The following PPP1R21 variants were observed in gnomAD, a reference collection of about 807,000 sequenced individuals.
PPP1R21 encodes the protein KLRAQ motif containing 1.
PPP1R21 carries 85 observed loss-of-function variants against 112.8 expected under a neutral mutation model. The ratio of observed to expected loss-of-function variants is 0.75; its 90% CI spans 0.63 to 0.90. The LOEUF (loss-of-function observed/expected upper bound fraction) is 0.90, where lower values mean the gene tolerates loss of function less well. PPP1R21 is among the 40% of genes least tolerant of loss of function. The probability of loss-of-function intolerance (pLI) is 0.00; values close to 1 mark genes in which losing one functional copy is unlikely to be tolerated. For synonymous variants in PPP1R21, 381 were observed against 322.3 expected (o/e 1.18, Z -1.95); for missense variants, 1,199 against 901.5 (o/e 1.33, Z -4.23).
chr2:48,465,569 C>A lies in PPP1R21; in HGVS notation c.824C>A (p.Thr275Asn), dbSNP rs759436097. 1 of 1,613,884 alleles carries A rather than the reference C, an allele frequency of 6.2e-7. No individual in the cohort carries two copies. The highest frequency in any genetic ancestry group is 8.5e-7 in the Non-Finnish European group (1 of 1,179,836). The change falls in exon 9 of 22, where the codon ACC becomes AAC. Residue 275 changes from threonine to asparagine, a missense_variant. Physicochemically the swap from Thr to Asn is moderately conservative, Grantham distance 65. Coordinates refer to ENST00000294952, the MANE Select transcript of PPP1R21 (RefSeq NM_001135629.3). ...DLVTALLNFHTYTEQRIQIFP... is the reference protein window; with the variant it reads ...DLVTALLNFHNYTEQRIQIFP... ...GTGACGGCTCTTCTAAACTTTCATA[C>A]CTACACAGAACAGAGGATTCAAATT...
intron 2 of PPP1R21, among the ~76,000 whole-genome samples, chr2:48,452,583 A>T (rs966400050): frequency 2.0e-5 from 3 of 151,612 alleles, no homozygotes; most frequent in African/African-American, 7.2e-5. Flanking sequence ...TTATTACAGT[A>T]GTCATTGTAA....
At position 48,471,120 on chromosome 2, in the gene PPP1R21, G is replaced by A. The variant is rs573411759; in HGVS notation, c.931G>A (p.Val311Ile). Residue 311 changes from valine (V) to isoleucine (I), a missense_variant, in exon 10 of 22, where the codon GTC (valine) becomes ATC (isoleucine). Transcript: ENST00000294952. ...SQYLHENASY[V>I]RPLEEGMLHL... The stretch of plus-strand genomic sequence containing the variant: ...ATACCTTCATGAAAATGCGTCCTAT[G>A]TCCGCCCTCTTGAGGAAGGAATGCT... 11 of 1,612,804 alleles carry A rather than the reference G, an allele frequency of 6.8e-6. No homozygotes were observed. Among genetic ancestry groups the A allele is most frequent in the South Asian group, 3.3e-5 (3 of 91,046 alleles).
intron 14 of PPP1R21, among the ~76,000 whole-genome samples, chr2:48,487,047 A>C (rs1261112618): frequency 6.6e-6 from 1 of 152,152 alleles, no homozygotes; most frequent in Non-Finnish European, 1.5e-5. Context: ...TTTCCTACCT[A>C]ATGTTTAAAG....
At chr2:48,448,416 T>G (rs897201402) in intron 1 of PPP1R21, among the ~76,000 whole-genome samples, 1 of 151,974 alleles carries the variant, frequency 6.6e-6, no homozygotes, top group Admixed American at 6.6e-5. Context: ...AAAGATGAGG[T>G]TTTTTTTCTT....
intron 21 of PPP1R21, among the ~76,000 whole-genome samples, chr2:48,512,921 T>C (rs375272818): frequency 1.8e-4 from 28 of 152,340 alleles, no homozygotes; most frequent in African/African-American, 6.5e-4. Context: ...TCACAAGTTA[T>C]ATTCTTAGTA....
At chr2:48,466,256 G>T (rs1668199323) in intron 9 of PPP1R21, among the ~76,000 whole-genome samples, 1 of 151,812 alleles carries the variant, frequency 6.6e-6, no homozygotes, top group Non-Finnish European at 1.5e-5. Context: ...CTGTTGCCCA[G>T]GTTGGAGTGC....
At chr2:48,468,845 GTGTGTGTGTGTGTATGTATATATGTA>G (rs1668324489) in intron 9 of PPP1R21, among the ~76,000 whole-genome samples, 1 of 151,472 alleles carries the variant, frequency 6.6e-6, no homozygotes, top group Admixed American at 6.6e-5. Context: ...GTGTGTGTGT[GTGTGTGTGTGTGTATGTATATATGTA>G]TGTGTGTATA....
At chr2:48,461,781 C>CA (rs1667990796) in intron 7 of PPP1R21, among the ~76,000 whole-genome samples, 2 of 151,998 alleles carry the variant, frequency 1.3e-5, no homozygotes, top group African/African-American at 4.8e-5. Context: ...GGTAAGAAGT[C>CA]AAAACCTCAA....
At chr2:48,466,310 C>G (rs755083277) in intron 9 of PPP1R21, among the ~76,000 whole-genome samples, 4 of 151,880 alleles carry the variant, frequency 2.6e-5, no homozygotes, top group African/African-American at 9.7e-5. Flanking sequence ...TTCCTGGGCT[C>G]AAGTGATCCT....
intron 14 of PPP1R21, among the ~76,000 whole-genome samples, chr2:48,490,504 A>G (rs182514426): frequency 1.3e-5 from 2 of 152,336 alleles, no homozygotes; most frequent in East Asian, 3.9e-4. Context: ...AAATCTGTAA[A>G]TAACAGTCCA....
At position 48,469,483 on chromosome 2, in the gene PPP1R21, T is replaced by G. The variant is rs865976938; in HGVS notation, c.898-1604T>G. Among the ~76,000 whole-genome samples the G allele has an allele frequency of 1.0e-3, 67 of 66,458 alleles. 3 individuals carry two copies. Among genetic ancestry groups the G allele is most frequent in the Non-Finnish European group, 1.1e-3 (36 of 31,688 alleles). 43.6% of individuals were successfully genotyped at this position (66,458 alleles called of 152,430 possible). A position where few individuals can be genotyped will look rare whatever the true frequency, so the allele number is the denominator to read the frequency against. On this transcript the variant is annotated intron_variant, in intron 9 of 21. Coordinates refer to ENST00000294952, the MANE Select transcript of PPP1R21 (RefSeq NM_001135629.3). ...TATATATAGAGCATATATATATATA[T>G]AGAGCATATATATATATATATAGAG...
In PPP1R21 at chr2:48,465,514, G is replaced by T; in HGVS notation, c.769G>T (p.Gly257Trp). The T allele has an allele frequency of 1.2e-6, 2 of 1,613,008 alleles. No homozygotes were observed. Among genetic ancestry groups the T allele is most frequent in the Non-Finnish European group, 1.7e-6 (2 of 1,179,624 alleles). ...RHQLKMRDIAGQALAFVQDLV... is the reference protein window; with the variant it reads ...RHQLKMRDIAWQALAFVQDLV... ...AAAGCTGAAGATGCGAGATATTGCT[G>T]GGCAGGCCCTGGCTTTTGTTCAGGA... The change falls in exon 9 of 22, where the codon GGG becomes TGG. Residue 257 changes from glycine (G) to tryptophan (W), a missense_variant. Physicochemically the swap from Gly to Trp is radical, Grantham distance 184 (BLOSUM62 -2). Coordinates refer to ENST00000294952, the MANE Select transcript of PPP1R21 (RefSeq NM_001135629.3).
At chr2:48,443,110 C>A (rs1444500995) in intron 1 of PPP1R21, among the ~76,000 whole-genome samples, 1 of 152,102 alleles carries the variant, frequency 6.6e-6, no homozygotes, top group East Asian at 1.9e-4. Context: ...TGCTTTTCAG[C>A]TTTCCTTTTT....
chr2:48,476,921 T>G (rs894474900), intron 12 of PPP1R21, among the ~76,000 whole-genome samples: 1 of 152,058 alleles, frequency 6.6e-6, no homozygotes, highest in African/African-American at 2.4e-5. Flanking sequence ...TAGTGTCCTT[T>G]GAGGAACAAA....
chr2:48,503,972 T>G (rs1375185270), intron 17 of PPP1R21, among the ~76,000 whole-genome samples: 3 of 151,572 alleles, frequency 2.0e-5, no homozygotes, highest in Admixed American at 2.0e-4. Flanking sequence ...AAAAAAAGTT[T>G]TCCTTGCATT....
rs1462216594 is a variant in PPP1R21 at position 48,454,717 on chromosome 2, T to C, written c.249T>C (p.Ser83=). The C allele has an allele frequency of 5.6e-6, 9 of 1,614,090 alleles. No homozygotes were observed. Among genetic ancestry groups the C allele is most frequent in the Non-Finnish European group, 6.8e-6 (8 of 1,179,962 alleles). Residue 83 remains serine, a synonymous_variant, in exon 3 of 22, where the codon AGT becomes AGC. Coordinates refer to ENST00000294952, the MANE Select transcript of PPP1R21 (RefSeq NM_001135629.3). ...VELLQDELAL[S]EPRGKKNKKS... ...TACTTCAAGATGAACTAGCTCTAAG[T>C]GAACCACGAGGCAAGAAAAACAAGG...
At chr2:48,489,057 T>G (rs1307206991) in intron 14 of PPP1R21, among the ~76,000 whole-genome samples, 1 of 152,174 alleles carries the variant, frequency 6.6e-6, no homozygotes, top group Non-Finnish European at 1.5e-5. Context: ...TAGTAAAATA[T>G]CAGTGAAAAA....
chr2:48,496,413 G>A (rs6545043), intron 16 of PPP1R21, among the ~76,000 whole-genome samples: 145,550 of 151,690 alleles, frequency 0.96, 70,108 homozygotes, highest in Middle Eastern at 0.99. Context: ...ACCCTAGAGG[G>A]AGAAATGCTG....
chr2:48,477,116 ATTTTT>A (rs779139882), intron 12 of PPP1R21, among the ~76,000 whole-genome samples: 1 of 114,770 alleles, frequency 8.7e-6, no homozygotes, highest in Non-Finnish European at 1.8e-5. Flanking sequence ...TTTTGAATTA[ATTTTT>A]TTTTTTTTTT....
Sources: allele counts gnomAD v4.1 joint callset (sites outside exome capture counted in the v4.1 genomes callset), GRCh38; gene constraint gnomAD v4.1.1; transcripts MANE v1.5; gene names NCBI Gene and HGNC (gene_info 2026-07-23, HGNC 2026-07-21).